The following LRRC8C variants were observed in gnomAD, a reference collection of about 807,000 sequenced individuals.
The protein encoded by LRRC8C is leucine rich repeat containing 8 VRAC subunit C.
In LRRC8C, 20 loss-of-function variants were observed where a neutral mutation model predicts 55.3. The observed-to-expected ratio is 0.36, with a 90% CI of 0.25 to 0.53. The LOEUF is 0.53. Among genes scored for constraint, LRRC8C ranks in the 20% least tolerant of loss-of-function variants. The pLI is 0.92. For missense variants in LRRC8C, 659 were observed against 951.4 expected, an observed-to-expected ratio of 0.69 and a Z score of 4.04; for synonymous variants, 376 against 360.7, an observed-to-expected ratio of 1.04 and a Z score of -0.48.
chr1:89,702,297 G>GA (rs1177230408), intron 2 of LRRC8C, among the ~76,000 whole-genome samples: 1 of 151,926 alleles, frequency 6.6e-6, no homozygotes, highest in Admixed American at 6.6e-5. Flanking sequence ...CAGAACACAT[G>GA]AAAAAAACTA....
chr1:89,695,627 C>A (rs1041966533), intron 2 of LRRC8C, among the ~76,000 whole-genome samples: 3 of 152,130 alleles, frequency 2.0e-5, no homozygotes, highest in South Asian at 4.1e-4. Flanking sequence ...CTGCAAAAAT[C>A]TTTTGTCTAA....
At chr1:89,703,726 A>G (rs1016684885) in intron 2 of LRRC8C, among the ~76,000 whole-genome samples, 2 of 152,174 alleles carry the variant, frequency 1.3e-5, no homozygotes, top group Middle Eastern at 3.4e-3. Flanking sequence ...TACAGTCGCT[A>G]TCTTCCTAAC....
intron 2 of LRRC8C, among the ~76,000 whole-genome samples, chr1:89,712,424 A>T (rs983253683): frequency 6.6e-6 from 1 of 152,170 alleles, no homozygotes; most frequent in Admixed American, 6.5e-5. Flanking sequence ...CTAATTTTTT[A>T]AAAATACATG....
intron 1 of LRRC8C, among the ~76,000 whole-genome samples, chr1:89,663,787 CTGT>C (rs1480269356): frequency 1.3e-5 from 2 of 152,132 alleles, no homozygotes; most frequent in Non-Finnish European, 2.9e-5. Flanking sequence ...TCTCCAGCAT[CTGT>C]TGTTTCCTGA....
At chr1:89,709,855 C>T (rs1378482383) in intron 2 of LRRC8C, among the ~76,000 whole-genome samples, 4 of 151,770 alleles carry the variant, frequency 2.6e-5, no homozygotes, top group Non-Finnish European at 5.9e-5. Context: ...GGGTTCACGC[C>T]ATTTTCCTGC....
At chr1:89,623,635 T>C in the LRRC8C span, among the ~76,000 whole-genome samples, 1 of 152,138 alleles carries the variant, frequency 6.6e-6, no homozygotes, top group East Asian at 1.9e-4. Context: ...GGCAAGAGAA[T>C]TGCTTGAACC....
intron 2 of LRRC8C, among the ~76,000 whole-genome samples, chr1:89,691,780 C>T (rs894753448): frequency 3.3e-5 from 5 of 152,108 alleles, no homozygotes; most frequent in African/African-American, 9.7e-5. Flanking sequence ...GGAACCATCA[C>T]AATTGCACAG....
rs879673397 is a variant in LRRC8C at position 89,685,805 on chromosome 1, T to C, written c.-4-665T>C. ...GATAAGTTTGGGGTTCACAGTGAAA[T>C]GTGAGAAGTACAGGAAACAGAGAAA... is the stretch of plus-strand genomic sequence containing the variant. On this transcript the variant is annotated intron_variant, in intron 1 of 2. Coordinates refer to ENST00000370454, the MANE Select transcript of LRRC8C (RefSeq NM_032270.5). 4.4e-5 allele frequency among the ~76,000 whole-genome samples: 6 copies of C among 136,196 alleles called. No individual in the cohort carries two copies. In the East Asian group the frequency reaches 8.4e-4, roughly 19 times the overall value. The allele number at this position is 136,196 out of a possible 152,430, so 89.3% of individuals were successfully genotyped here. A position where few individuals can be genotyped will look rare whatever the true frequency, so the allele number is the denominator to read the frequency against.
intron 1 of LRRC8C, among the ~76,000 whole-genome samples, chr1:89,634,593 C>T (rs942485673): frequency 2.6e-5 from 4 of 152,180 alleles, no homozygotes; most frequent in East Asian, 3.8e-4. Context: ...TCTTGGTTAG[C>T]ACAATGCTGC....
At chr1:89,705,374 GTAAC>G (rs1326399081) in intron 2 of LRRC8C, among the ~76,000 whole-genome samples, 1 of 151,364 alleles carries the variant, frequency 6.6e-6, no homozygotes, top group Non-Finnish European at 1.5e-5. Flanking sequence ...GTATACATAT[GTAAC>G]TAACCTGCAC....
At chr1:89,665,295 A>G (rs1212509042) in intron 1 of LRRC8C, among the ~76,000 whole-genome samples, 2 of 152,156 alleles carry the variant, frequency 1.3e-5, no homozygotes, top group Non-Finnish European at 2.9e-5. Context: ...TTATTTTGAG[A>G]TACATTCCAT....
intron 1 of LRRC8C, among the ~76,000 whole-genome samples, chr1:89,673,120 TC>T (rs1231857065): frequency 6.6e-6 from 1 of 152,220 alleles, no homozygotes; most frequent in African/African-American, 2.4e-5. Context: ...CATACTTTTT[TC>T]TACTTGTCTA....
At chr1:89,621,296 T>TAAAAAAAAAAAA in the LRRC8C span, among the ~76,000 whole-genome samples, 5 of 123,830 alleles carry the variant, frequency 4.0e-5, 1 homozygote, top group Admixed American at 3.4e-4. Flanking sequence ...CCGTCTCTAC[T>TAAAAAAAAAAAA]AAAAAAAAAA....
chr1:89,702,500 C>T (rs758965730), intron 2 of LRRC8C, among the ~76,000 whole-genome samples: 1 of 151,890 alleles, frequency 6.6e-6, no homozygotes, highest in Non-Finnish European at 1.5e-5. Flanking sequence ...TTTGGGAGGC[C>T]GAGGCAGGCG....
chr1:89,673,398 A>G (rs1215908103), intron 1 of LRRC8C, among the ~76,000 whole-genome samples: 3 of 152,218 alleles, frequency 2.0e-5, no homozygotes, highest in African/African-American at 7.2e-5. Context: ...TGCAAGGTCT[A>G]GATATCTTTG....
intron 1 of LRRC8C, among the ~76,000 whole-genome samples, chr1:89,650,601 C>T (rs567110112): frequency 1.3e-4 from 20 of 152,282 alleles, no homozygotes; most frequent in Non-Finnish European, 2.5e-4. Flanking sequence ...TCCCTCACTT[C>T]CAAGTTTTGA....
chr1:89,641,932 C>T (rs1370660247), intron 1 of LRRC8C, among the ~76,000 whole-genome samples: 1 of 152,158 alleles, frequency 6.6e-6, no homozygotes, highest in African/African-American at 2.4e-5. Context: ...TCCGTTTAAA[C>T]GATCTTTTTA....
intron 1 of LRRC8C, among the ~76,000 whole-genome samples, chr1:89,658,404 TA>T (rs1428100323): frequency 2.0e-5 from 3 of 152,180 alleles, no homozygotes; most frequent in African/African-American, 7.2e-5. Context: ...GAATATAATC[TA>T]AAAAAGGCTT....
At chr1:89,711,673 C>G (rs565499287) in intron 2 of LRRC8C, among the ~76,000 whole-genome samples, 1 of 152,216 alleles carries the variant, frequency 6.6e-6, no homozygotes, top group Non-Finnish European at 1.5e-5. Flanking sequence ...TTCATTCTCT[C>G]TTTCCCAAAT....
Sources: allele counts gnomAD v4.1 joint callset (sites outside exome capture counted in the v4.1 genomes callset), GRCh38; gene constraint gnomAD v4.1.1; transcripts MANE v1.5; gene names NCBI Gene and HGNC (gene_info 2026-07-23, HGNC 2026-07-21).